Variants in CDC42EP4 observed in about 807,000 individuals in gnomAD.
CDC42EP4 encodes the protein CDC42 effector protein (Rho GTPase binding) 4.
In CDC42EP4, 6 loss-of-function variants were observed where a neutral mutation model predicts 5.6. The observed-to-expected ratio is 1.07, with a 90% CI of 0.59 to 2.12. The LOEUF is 2.12. Among genes scored for constraint, CDC42EP4 ranks in the 30% most tolerant of loss-of-function variants. The pLI is 0.00. For missense variants in CDC42EP4, 490 were observed against 508.6 expected (o/e 0.96, Z 0.35); for synonymous variants, 230 against 224.2 (o/e 1.03, Z -0.23).
intron 1 of CDC42EP4, among the ~76,000 whole-genome samples, chr17:73,287,452 G>A (rs2062140390): frequency 1.3e-5 from 2 of 152,176 alleles, no homozygotes; most frequent in South Asian, 2.1e-4. Context: ...CCCAGGATCT[G>A]CAGACTGATT....
intron 1 of CDC42EP4, among the ~76,000 whole-genome samples, chr17:73,297,589 G>C (rs1350437812): frequency 6.6e-6 from 1 of 152,142 alleles, no homozygotes; most frequent in African/African-American, 2.4e-5. Flanking sequence ...GACTAAAAGG[G>C]CACATGGAGA....
At chr17:73,296,203 G>A (rs28477971) in intron 1 of CDC42EP4, among the ~76,000 whole-genome samples, 98,485 of 146,652 alleles carry the variant, frequency 0.67, 33,466 homozygotes, top group Middle Eastern at 0.75. Flanking sequence ...GACCAATATG[G>A]CGAAACCCTG....
Position 73,286,551 on chromosome 17 carries a change from G to T in CDC42EP4, c.-51C>A. 7.0e-7 allele frequency: 1 copy of T among 1,437,426 alleles called. No individual in the cohort carries two copies. Among genetic ancestry groups the T allele is most frequent in the South Asian group, 1.3e-5 (1 of 75,614 alleles). 89.0% of individuals were successfully genotyped at this position (1,437,426 alleles called of 1,614,324 possible). A position where few individuals can be genotyped will look rare whatever the true frequency, so the allele number is the denominator to read the frequency against. ...CCCTCCCGAGGTAGCCGGCAGGTCTGGGGTCAGATCTGAAGTCCAAGTCCA... is the reference window on the plus strand; with the variant it reads ...CCCTCCCGAGGTAGCCGGCAGGTCTTGGGTCAGATCTGAAGTCCAAGTCCA... On this transcript the variant is annotated 5_prime_UTR_variant, in exon 2 of 2. Transcript: ENST00000335793. This position sits in a 1 kb window ranked among gnomAD's most constrained non-coding sequence, Gnocchi z 7.7.
intron 1 of CDC42EP4, among the ~76,000 whole-genome samples, chr17:73,308,767 G>T (rs1301779682): frequency 1.3e-5 from 2 of 151,936 alleles, no homozygotes; most frequent in African/African-American, 4.8e-5. Flanking sequence ...GGGTGCAGTG[G>T]TTTACGCCTG....
In CDC42EP4 at chr17:73,285,884, A is replaced by G. The variant is rs749128737; in HGVS notation, c.617T>C (p.Ile206Thr). 1 of 1,613,972 alleles carries G rather than the reference A, an allele frequency of 6.2e-7. No homozygotes were observed. Among genetic ancestry groups the G allele is most frequent in the South Asian group, 1.1e-5 (1 of 91,074 alleles). Residue 206 changes from isoleucine to threonine, a missense_variant, in exon 2 of 2, where the codon ATC becomes ACC. Transcript: ENST00000335793. This position sits in a 1 kb window ranked among gnomAD's most constrained non-coding sequence, Gnocchi z 6.8. ...CCCCAGGTCGATGTGGAAGGACATG[A>G]TGGACTCCGCATGCTTCAGCCCGTA... ...ATYGLKHAES[I>T]MSFHIDLGPS... is the part of the protein sequence containing the mutation.
chr17:73,286,686 A>T lies in CDC42EP4; in HGVS notation c.-112-74T>A. On this transcript the variant is annotated intron_variant, in intron 1 of 1. Transcript: ENST00000335793. This position sits in a 1 kb window ranked among gnomAD's most constrained non-coding sequence, Gnocchi z 7.7. ...GGCACAAAAGCCTCTTTGCCAGGGG[A>T]CTGTCATTTAAACCCCAGCGCTCCT... is the stretch of plus-strand genomic sequence containing the variant. 1 of 586,078 alleles carries T rather than the reference A, an allele frequency of 1.7e-6. No homozygotes were observed. Among genetic ancestry groups the T allele is most frequent in the Non-Finnish European group, 3.0e-6 (1 of 330,716 alleles). The allele number at this position is 586,078 out of a possible 1,614,324, so 36.3% of individuals were successfully genotyped here.
intron 1 of CDC42EP4, chr17:73,307,084 T>C (rs1599443669): frequency 6.6e-6 from 1 of 152,290 alleles, no homozygotes; most frequent in Non-Finnish European, 1.5e-5. Flanking sequence ...TTCAGCTCCA[T>C]CTTTGGGGTG....
In CDC42EP4 at chr17:73,309,038, C is replaced by CAA. The variant is rs57714877; in HGVS notation, c.-113+2853_-113+2854dup. Among the ~76,000 whole-genome samples, 10 of 33,992 alleles carry CAA rather than the reference C, an allele frequency of 2.9e-4. 1 individual carries two copies. The highest frequency in any genetic ancestry group is 2.0e-3 in the South Asian group (1 of 488). 22.3% of individuals were successfully genotyped at this position (33,992 alleles called of 152,430 possible). On this transcript the variant is annotated intron_variant, in intron 1 of 1. Coordinates refer to ENST00000335793, the MANE Select transcript of CDC42EP4 (RefSeq NM_012121.5). The stretch of plus-strand genomic sequence containing the variant: ...GGGCAACAGAGCAAAGCTCTGTCTC[C>CAA]AAAAAAAAAAAAAAAAAAAAGGGTT...
chr17:73,291,120 A>AC (rs1346479765), intron 1 of CDC42EP4, among the ~76,000 whole-genome samples: 3 of 151,952 alleles, frequency 2.0e-5, no homozygotes, highest in African/African-American at 4.8e-5. Flanking sequence ...ATCTTGTTCA[A>AC]CCCCACACCC....
At chr17:73,299,416 C>T (rs931164620) in intron 1 of CDC42EP4, among the ~76,000 whole-genome samples, 25 of 138,618 alleles carry the variant, frequency 1.8e-4, no homozygotes, top group African/African-American at 6.1e-4. Context: ...GGTGACAGAG[C>T]GAGACTCCGT....
intron 1 of CDC42EP4, among the ~76,000 whole-genome samples, chr17:73,310,622 G>C (rs2062268462): frequency 6.6e-6 from 1 of 152,094 alleles, no homozygotes; most frequent in Non-Finnish European, 1.5e-5. Context: ...GAAAAGAAAA[G>C]GCATTGTATT....
At chr17:73,305,000 G>A (rs1190301224) in intron 1 of CDC42EP4, among the ~76,000 whole-genome samples, 2 of 152,160 alleles carry the variant, frequency 1.3e-5, no homozygotes, top group East Asian at 3.9e-4. Flanking sequence ...AGAACCACAG[G>A]CTTCAGGCCA....
intron 1 of CDC42EP4, among the ~76,000 whole-genome samples, chr17:73,295,333 A>G (rs915346878): frequency 1.2e-4 from 19 of 152,114 alleles, no homozygotes; most frequent in Admixed American, 6.6e-5. Context: ...TCCCACCCCA[A>G]AGATCTTCCC....
At chr17:73,287,659 G>A (rs932928126) in intron 1 of CDC42EP4, among the ~76,000 whole-genome samples, 8 of 152,206 alleles carry the variant, frequency 5.3e-5, no homozygotes, top group African/African-American at 1.9e-4. Context: ...GATGGGTGCA[G>A]GGATTTAACA....
chr17:73,309,425 C>G (rs1414991958), intron 1 of CDC42EP4, among the ~76,000 whole-genome samples: 1 of 152,092 alleles, frequency 6.6e-6, no homozygotes, highest in East Asian at 1.9e-4. Context: ...GGTCAACACT[C>G]ACTCCCCTGA....
intron 1 of CDC42EP4, among the ~76,000 whole-genome samples, chr17:73,293,122 A>G (rs959683286): frequency 6.6e-6 from 1 of 152,184 alleles, no homozygotes; most frequent in African/African-American, 2.4e-5. Flanking sequence ...TTCTGGCATT[A>G]CAGGCATGAG....
At chr17:73,308,037 C>G (rs145440581) in intron 1 of CDC42EP4, among the ~76,000 whole-genome samples, 2 of 152,088 alleles carry the variant, frequency 1.3e-5, no homozygotes, top group African/African-American at 4.8e-5. Flanking sequence ...CCACTGTGCC[C>G]GGCCCTAATG....
rs1244955567 is a variant in CDC42EP4, at chr17:73,289,803, AAAG to A, written c.-112-3194_-112-3192del. 1.6e-3 allele frequency among the ~76,000 whole-genome samples: 214 copies of A among 131,840 alleles called. 1 individual carries two copies. The highest frequency in any genetic ancestry group is 5.5e-3 in the African/African-American group (205 of 37,418). 86.5% of individuals were successfully genotyped at this position (131,840 alleles called of 152,430 possible). A position where few individuals can be genotyped will look rare whatever the true frequency, so the allele number is the denominator to read the frequency against. ...AAGGAAAGGAAATAAGGAAAGAAAA[AAAG>A]AAAGAGAGAAAGAAAAAGAAAGGAA... On this transcript the variant is annotated intron_variant, in intron 1 of 1. Coordinates refer to ENST00000335793, the MANE Select transcript of CDC42EP4 (RefSeq NM_012121.5).
At chr17:73,303,085 T>G (rs1345044535) in intron 1 of CDC42EP4, among the ~76,000 whole-genome samples, 1 of 149,780 alleles carries the variant, frequency 6.7e-6, no homozygotes, top group African/African-American at 2.5e-5. Context: ...GGCTCACGCC[T>G]GTAATCCCAG....
Sources: allele counts gnomAD v4.1 joint callset (sites outside exome capture counted in the v4.1 genomes callset), GRCh38; gene constraint gnomAD v4.1.1; non-coding constraint Gnocchi (gnomAD v3.1); transcripts MANE v1.5; gene names NCBI Gene and HGNC (gene_info 2026-07-23, HGNC 2026-07-21).